Variants in KIF14 observed in about 807,000 individuals in gnomAD.
KIF14 encodes kinesin-like protein KIF14.
In KIF14, 98 loss-of-function variants were observed where a neutral mutation model predicts 176.2. That is an observed-to-expected ratio of 0.56 (90% CI 0.47 to 0.66). KIF14 has a LOEUF of 0.66. KIF14 is among the 30% of genes least tolerant of loss of function. The pLI is 0.00. For synonymous variants in KIF14, 566 were observed against 632.2 expected (o/e 0.90, Z 1.57); for missense variants, 1,751 against 1,920.4 (o/e 0.91, Z 1.65).
intron 27 of KIF14, among the ~76,000 whole-genome samples, 192 bp from the exon 28 acceptor site, chr1:200,555,646 T>C (rs1350527160): frequency 6.6e-6 from 1 of 152,136 alleles, no homozygotes; most frequent in African/African-American, 2.4e-5. Flanking sequence ...AAAAATAAAT[T>C]GCACATTGAC....
In KIF14 at chr1:200,617,701, TAC is replaced by T. The variant is rs779950585; in HGVS notation, c.1021_1022del (p.Val341SerfsTer16). ...CTTTTCCTGCAGAGGTGTTCTGAAC[TAC>T]AGTTTCTTCTTCGGGAAGAATTGTA... ...ENTILPEEET[V>X]VQNTSAGKDP... is the part of the protein sequence containing the mutation. On this transcript the variant is annotated frameshift_variant, in exon 2 of 30. Transcript: ENST00000367350. LOFTEE classifies it high-confidence loss of function. 1.9e-6 allele frequency: 3 copies of T among 1,614,116 alleles called. No homozygotes were observed. The highest frequency in any genetic ancestry group is 1.7e-6 in the Non-Finnish European group (2 of 1,180,028).
Position 200,609,417 on chromosome 1 carries a change from G to A in KIF14, c.1456-489C>T, listed in dbSNP as rs1487311995. 2.6e-5 allele frequency among the ~76,000 whole-genome samples: 4 copies of A among 152,202 alleles called. No homozygotes were observed. The East Asian group carries it at 7.7e-4, about 29-fold the overall frequency. On this transcript the variant is annotated intron_variant, in intron 4 of 29. Transcript: ENST00000367350. ...TAATCCCAGCACTTTGGGAGGCCGA[G>A]GTGGGAGGATCATTTGAGGTCAGGA...
At chr1:200,598,646 C>T (rs895292434) in intron 13 of KIF14, among the ~76,000 whole-genome samples, 2 of 152,140 alleles carry the variant, frequency 1.3e-5, no homozygotes, top group African/African-American at 4.8e-5. Flanking sequence ...GCAACCTCTG[C>T]CTCCTGGGTT....
intron 25 of KIF14, among the ~76,000 whole-genome samples, 179 bp downstream of exon 25, chr1:200,564,890 G>C (rs1657358255): frequency 6.6e-6 from 1 of 152,182 alleles, no homozygotes. Flanking sequence ...CATACATAGA[G>C]AGCCATGTAA....
intron 15 of KIF14, among the ~76,000 whole-genome samples, chr1:200,593,416 T>C (rs1164150243): frequency 6.6e-6 from 1 of 152,246 alleles, no homozygotes; most frequent in Non-Finnish European, 1.5e-5. Context: ...GTCTGTCTGA[T>C]TCTAAAGCCT....
chr1:200,620,521 G>C lies in KIF14; in HGVS notation c.-226C>G, dbSNP rs541707474. On this transcript the variant is annotated 5_prime_UTR_variant, in exon 1 of 30. Transcript: ENST00000367350. ...AGACGCTGCCTTGCGCCCTTCGTTC[G>C]GGGACCCCTTCGCCGCCGACCTGGA... is the stretch of plus-strand genomic sequence containing the variant. 6.6e-6 allele frequency: 1 copy of C among 152,436 alleles called. No homozygotes were observed. Among genetic ancestry groups the C allele is most frequent in the Non-Finnish European group, 1.5e-5 (1 of 68,124 alleles). 9.4% of individuals were successfully genotyped at this position (152,436 alleles called of 1,614,324 possible).
rs201462471 is a variant in KIF14, at chr1:200,600,816, G to GT, written c.2153-314dup. ...GTTAAAGTGAAAGTTTATTTAAAAA[G>GT]TAAAGAAATAAAAGAATGGCTATTC... On this transcript the variant is annotated intron_variant, in intron 11 of 29. Coordinates refer to ENST00000367350, the MANE Select transcript of KIF14 (RefSeq NM_014875.3). 8.7e-4 allele frequency among the ~76,000 whole-genome samples: 133 copies of GT among 152,214 alleles called. 3 individuals are homozygous for GT. The East Asian group carries it at 0.023, about 27-fold the overall frequency.
At position 200,554,390 on chromosome 1, in the gene KIF14, C is replaced by CAA. The variant is rs200142247; in HGVS notation, c.4567+76_4567+77dup. On this transcript the variant is annotated intron_variant, in intron 29 of 29. Coordinates refer to ENST00000367350, the MANE Select transcript of KIF14 (RefSeq NM_014875.3). ...TGAGTGACAGAGCGAGACTCCATCT[C>CAA]AAAAAAAAAAAGGAAAGATGTCTAA... 3.0e-3 allele frequency: 2,375 copies of CAA among 799,586 alleles called. 3 individuals are homozygous for CAA. Among genetic ancestry groups the CAA allele is most frequent in the South Asian group, 3.2e-3 (155 of 48,754 alleles). The allele number at this position is 799,586 out of a possible 1,614,324, so 49.5% of individuals were successfully genotyped here.
intron 27 of KIF14, 63 bp from the exon 28 acceptor site, chr1:200,555,517 T>C (rs1656788544): frequency 2.1e-6 from 2 of 958,388 alleles, no homozygotes; most frequent in Middle Eastern, 3.0e-4. Flanking sequence ...AATCATAGAA[T>C]TGCATGGGAC....
At chr1:200,569,521 G>A (rs773107830) in intron 23 of KIF14, among the ~76,000 whole-genome samples, 1 of 152,060 alleles carries the variant, frequency 6.6e-6, no homozygotes, top group Non-Finnish European at 1.5e-5. Flanking sequence ...TTGGGGTTTC[G>A]GTGTAGTTCT....
chr1:200,617,879 G>A lies in KIF14; in HGVS notation c.845C>T (p.Thr282Ile), dbSNP rs1356458679. Residue 282 changes from threonine (T) to isoleucine (I), a missense_variant, in exon 2 of 30, where the codon ACA becomes ATA. Physicochemically the swap from Thr to Ile is moderately conservative, Grantham distance 89 (BLOSUM62 -1). Coordinates refer to ENST00000367350, the MANE Select transcript of KIF14 (RefSeq NM_014875.3). ...SLEKRTPTKCTTEHKLTTKCS... is the reference protein window; with the variant it reads ...SLEKRTPTKCITEHKLTTKCS... ...CTTTGTTGTCAGTTTGTGTTCTGTT[G>A]TACATTTTGTAGGTGTTCTTTTTTC... 2 of 1,614,126 alleles carry A rather than the reference G, an allele frequency of 1.2e-6. No individual in the cohort carries two copies. Among genetic ancestry groups the A allele is most frequent in the South Asian group, 2.2e-5 (2 of 91,082 alleles).
chr1:200,606,759 C>T lies in KIF14; in HGVS notation c.1594G>A (p.Glu532Lys). 1 of 1,613,534 alleles carries T rather than the reference C, an allele frequency of 6.2e-7. No homozygotes were observed. The highest frequency in any genetic ancestry group is 8.5e-7 in the Non-Finnish European group (1 of 1,179,768). ...REHPVYGPYV[E>K]ALSMNIVSSY... ...CCAAATACTTACATTGACAGTGCTTCAACATATGGTCCATAAACAGGATGT... is the reference window on the plus strand; with the variant it reads ...CCAAATACTTACATTGACAGTGCTTTAACATATGGTCCATAAACAGGATGT... The change falls in exon 6 of 30, where the codon GAA becomes AAA. Residue 532 changes from glutamate to lysine, a missense_variant. Physicochemically the swap from Glu to Lys is moderately conservative, Grantham distance 56. Transcript: ENST00000367350.
At position 200,614,205 on chromosome 1, in the gene KIF14, C is replaced by T. The variant is rs117480193; in HGVS notation, c.1455+113G>A. 3.9e-4 allele frequency: 225 copies of T among 575,198 alleles called. 1 individual carries two copies. The East Asian group carries it at 5.8e-3, about 15-fold the overall frequency. 35.6% of individuals were successfully genotyped at this position (575,198 alleles called of 1,614,324 possible). ...CACTGTTCCAAAGAAGAGTGATCTA[C>T]AAATTAGAACTGATCTTCCATTAAG... is the stretch of plus-strand genomic sequence containing the variant. On this transcript the variant is annotated intron_variant, in intron 4 of 29. Transcript: ENST00000367350.
intron 11 of KIF14, among the ~76,000 whole-genome samples, chr1:200,601,216 T>C (rs944432642): frequency 3.3e-5 from 5 of 152,084 alleles, no homozygotes; most frequent in African/African-American, 9.7e-5. Flanking sequence ...ACAGTCCCAC[T>C]TGTGAAACAG....
chr1:200,593,927 G>GTTTTTTTTTTTTTTTTTTTTTTTT (rs57476742), intron 14 of KIF14, among the ~76,000 whole-genome samples, 158 bp from the exon 15 acceptor site: 2 of 100,528 alleles, frequency 2.0e-5, no homozygotes, highest in Non-Finnish European at 1.8e-5. Context: ...CCTCCAACTA[G>GTTTTTTTTTTTTTTTTTTTTTTTT]TTTTTTTTTT....
Position 200,617,820 on chromosome 1 carries a change from A to G in KIF14, c.904T>C (p.Ser302Pro), listed in dbSNP as rs1443763514. ...SLPQLKSPAP[S>P]ILKNRMSNLQ... is the part of the protein sequence containing the mutation. ...TTAGACATTCTATTCTTCAGTATTGATGGAGCTGGGCTCTTAAGCTGAGGC... is the reference window on the plus strand; with the variant it reads ...TTAGACATTCTATTCTTCAGTATTGGTGGAGCTGGGCTCTTAAGCTGAGGC... Residue 302 changes from serine (S) to proline (P), a missense_variant, in exon 2 of 30, where the codon TCA becomes CCA. By Grantham distance (74) the Ser-to-Pro change is moderately conservative (BLOSUM62 -1). Coordinates refer to ENST00000367350, the MANE Select transcript of KIF14 (RefSeq NM_014875.3). 1.9e-6 allele frequency: 3 copies of G among 1,614,176 alleles called. No individual in the cohort carries two copies. The highest frequency in any genetic ancestry group is 1.6e-4 in the Middle Eastern group (1 of 6,062).
chr1:200,562,775 CCCACCCCG>C lies in KIF14; in HGVS notation c.4072-1903_4072-1896del, dbSNP rs577247603. The stretch of plus-strand genomic sequence containing the variant: ...TTCATCCACACCTGTTTGCAGTCCA[CCCACCCCG>C]CCACCCCTTGTTTTAGTCATCCTAT... On this transcript the variant is annotated intron_variant, in intron 25 of 29. Coordinates refer to ENST00000367350, the MANE Select transcript of KIF14 (RefSeq NM_014875.3). 9.2e-5 allele frequency among the ~76,000 whole-genome samples: 14 copies of C among 151,942 alleles called. No homozygotes were observed. The South Asian group carries it at 1.9e-3, about 20-fold the overall frequency.
intron 21 of KIF14, among the ~76,000 whole-genome samples, chr1:200,579,051 C>A (rs78126275): frequency 2.0e-5 from 3 of 152,112 alleles, no homozygotes; most frequent in African/African-American, 7.2e-5. Context: ...GATTGTGCCA[C>A]TGCACTCCAG....
chr1:200,606,685 AGT>A (rs1659897766), intron 6 of KIF14, 59 bp downstream of exon 6: 3 of 1,364,346 alleles, frequency 2.2e-6, no homozygotes, highest in Middle Eastern at 1.8e-4. Flanking sequence ...ATTATGGGAG[AGT>A]AACATTCACT....
Sources: allele counts gnomAD v4.1 joint callset (sites outside exome capture counted in the v4.1 genomes callset), GRCh38; gene constraint gnomAD v4.1.1; transcripts MANE v1.5; gene names NCBI Gene and HGNC (gene_info 2026-07-23, HGNC 2026-07-21).